CALN1: variants seen among roughly 807,000 people sequenced by gnomAD.
CALN1 encodes the protein calcium-binding protein 8.
CALN1 carries 17 observed loss-of-function variants against 30.6 expected under a neutral mutation model. The observed-to-expected ratio is 0.56, with a 90% CI of 0.38 to 0.83. The LOEUF is 0.83. Among genes scored for constraint, CALN1 ranks in the 40% least tolerant of loss-of-function variants. The pLI, the probability that CALN1 is intolerant of heterozygous loss-of-function variation, is 0.00. For synonymous variants in CALN1, 156 were observed against 131.4 expected, an observed-to-expected ratio of 1.19 and a Z score of -1.28; for missense variants, 291 against 354.9, an observed-to-expected ratio of 0.82 and a Z score of 1.45.
At chr7:72,183,078 G>A (rs966387639) in intron 3 of CALN1, among the ~76,000 whole-genome samples, 13 of 152,054 alleles carry the variant, frequency 8.5e-5, no homozygotes, top group Non-Finnish European at 1.8e-4. Flanking sequence ...TTGTCTGTTT[G>A]TTTCAGACAG....
chr7:72,214,065 C>A (rs1246050234), intron 3 of CALN1, among the ~76,000 whole-genome samples: 1 of 152,240 alleles, frequency 6.6e-6, no homozygotes, highest in Admixed American at 6.5e-5. Context: ...GTGCACCAAT[C>A]TGGGCAGATT....
intron 5 of CALN1, among the ~76,000 whole-genome samples, chr7:71,828,188 C>G (rs750879359): frequency 1.3e-5 from 2 of 152,052 alleles, no homozygotes; most frequent in Admixed American, 6.6e-5. Context: ...GAGCCTTGAC[C>G]CCAAATAATA....
At chr7:72,365,769 T>C (rs1398315296) in intron 2 of CALN1, among the ~76,000 whole-genome samples, 2 of 152,144 alleles carry the variant, frequency 1.3e-5, no homozygotes, top group East Asian at 3.9e-4. Flanking sequence ...AAAGAAACAT[T>C]ATCTAATGCA....
chr7:71,941,350 CAA>C (rs397759526), intron 5 of CALN1, among the ~76,000 whole-genome samples: 5 of 128,442 alleles, frequency 3.9e-5, no homozygotes, highest in Non-Finnish European at 3.2e-5. Flanking sequence ...GACTGCATCT[CAA>C]AAAAAAAAAA....
At chr7:72,332,929 C>G (rs759416550) in intron 2 of CALN1, among the ~76,000 whole-genome samples, 4 of 152,164 alleles carry the variant, frequency 2.6e-5, no homozygotes, top group Admixed American at 6.5e-5. Flanking sequence ...ACCACGAAGT[C>G]TCCAGCCACA....
rs955176540 is a variant in CALN1, at chr7:71,785,748, T to C, written c.*2027A>G. The C allele has an allele frequency of 2.0e-5, 3 of 152,574 alleles. No individual in the cohort carries two copies. The highest frequency in any genetic ancestry group is 2.9e-5 in the Non-Finnish European group (2 of 68,216). The allele number at this position is 152,574 out of a possible 1,614,324, so 9.5% of individuals were successfully genotyped here. On this transcript the variant is annotated 3_prime_UTR_variant, in exon 7 of 7. Coordinates refer to ENST00000395275, the MANE Select transcript of CALN1 (RefSeq NM_031468.4). ...GTTCGATGTATTAATATTCTGCATT[T>C]GGACCGGTTCTAGTTGAGAATTCCA...
intron 3 of CALN1, among the ~76,000 whole-genome samples, chr7:72,256,145 T>G (rs1248987816): frequency 6.6e-6 from 1 of 152,198 alleles, no homozygotes; most frequent in East Asian, 1.9e-4. Flanking sequence ...CCCCTACACT[T>G]CAAGAAATTC....
intron 2 of CALN1, among the ~76,000 whole-genome samples, chr7:72,304,589 TG>T (rs373689253): frequency 5.9e-5 from 9 of 151,998 alleles, no homozygotes; most frequent in African/African-American, 1.2e-4. Context: ...GCCTCTGACA[TG>T]GGGGGGGTAT....
chr7:72,078,558 G>A (rs1307688183), intron 4 of CALN1, among the ~76,000 whole-genome samples: 3 of 152,128 alleles, frequency 2.0e-5, no homozygotes, highest in Non-Finnish European at 4.4e-5. Flanking sequence ...AAACACTGAA[G>A]CCCAGATTCC....
chr7:72,362,993 G>A (rs1231556615), intron 2 of CALN1, among the ~76,000 whole-genome samples: 1 of 152,208 alleles, frequency 6.6e-6, no homozygotes, highest in African/African-American at 2.4e-5. Flanking sequence ...GGCAATTATA[G>A]ACAAGGTAGA....
the CALN1 span, among the ~76,000 whole-genome samples, chr7:72,493,211 C>G: frequency 1.3e-5 from 2 of 152,160 alleles, no homozygotes; most frequent in African/African-American, 4.8e-5. Context: ...ATCTCTGTCT[C>G]TATAGATTTG....
At chr7:71,948,110 G>A (rs539774381) in intron 5 of CALN1, among the ~76,000 whole-genome samples, 1 of 151,990 alleles carries the variant, frequency 6.6e-6, no homozygotes, top group Admixed American at 6.6e-5. Context: ...TGCATGCAGG[G>A]AAAAGGTACC....
chr7:72,496,534 CTTTT>C, the CALN1 span, among the ~76,000 whole-genome samples: 1 of 152,194 alleles, frequency 6.6e-6, no homozygotes, highest in Non-Finnish European at 1.5e-5. Flanking sequence ...GTTTAACCAG[CTTTT>C]CTTCTGAAAG....
At chr7:72,313,932 A>G (rs949640834) in intron 2 of CALN1, among the ~76,000 whole-genome samples, 1 of 152,168 alleles carries the variant, frequency 6.6e-6, no homozygotes, top group Non-Finnish European at 1.5e-5. Flanking sequence ...GGGTGGACAA[A>G]TTCTGTGCCT....
At chr7:72,108,202 C>T (rs1485986943) in intron 3 of CALN1, among the ~76,000 whole-genome samples, 5 of 152,208 alleles carry the variant, frequency 3.3e-5, no homozygotes, top group African/African-American at 4.8e-5. Flanking sequence ...CCATCTTCTC[C>T]TCTTCTGTCT....
At chr7:71,850,268 T>C (rs1790560728) in intron 5 of CALN1, among the ~76,000 whole-genome samples, 1 of 152,210 alleles carries the variant, frequency 6.6e-6, no homozygotes, top group African/African-American at 2.4e-5. Context: ...CAGGCTGGAG[T>C]GCAGTGGCAC....
At chr7:71,824,887 T>C (rs1562813463) in intron 5 of CALN1, among the ~76,000 whole-genome samples, 1 of 152,050 alleles carries the variant, frequency 6.6e-6, no homozygotes, top group African/African-American at 2.4e-5. Flanking sequence ...CCTGATGGGG[T>C]CTTGAACAGC....
At chr7:72,037,334 T>C (rs1283075260) in intron 4 of CALN1, among the ~76,000 whole-genome samples, 2 of 152,088 alleles carry the variant, frequency 1.3e-5, no homozygotes, top group Non-Finnish European at 2.9e-5. Flanking sequence ...GTATTTTTAG[T>C]AGAGATGGGG....
intron 5 of CALN1, among the ~76,000 whole-genome samples, chr7:71,833,826 T>A (rs1789435195): frequency 6.6e-6 from 1 of 151,970 alleles, no homozygotes; most frequent in Non-Finnish European, 1.5e-5. Context: ...GGTGGGAGGA[T>A]CACTTGAGCC....
Sources: gnomAD v4.1 joint callset for allele counts (sites outside exome capture counted in the v4.1 genomes callset) on GRCh38, gnomAD v4.1.1 for gene constraint, MANE v1.5 for transcripts, NCBI Gene and HGNC (gene_info 2026-07-23, HGNC 2026-07-21) for gene names.